The following C1orf21 variants were observed in gnomAD, a reference collection of about 807,000 sequenced individuals.
C1orf21 encodes the protein uncharacterized protein C1orf21.
Under a neutral mutation model 18.7 loss-of-function variants are expected in C1orf21, and 3 were observed. The observed-to-expected ratio is 0.16, with a 90% CI of 0.07 to 0.42. C1orf21 has a LOEUF of 0.42. Ranked by LOEUF, C1orf21 falls within the 10% of genes least tolerant of loss-of-function variation. The probability of loss-of-function intolerance (pLI) is 0.99; values close to 1 mark genes in which losing one functional copy is unlikely to be tolerated. For synonymous variants in C1orf21, 41 were observed against 46.4 expected, an observed-to-expected ratio of 0.88 and a Z score of 0.47; for missense variants, 104 against 143.6, an observed-to-expected ratio of 0.72 and a Z score of 1.41.
At chr1:184,577,832 T>C (rs913354264) in intron 3 of C1orf21, among the ~76,000 whole-genome samples, 2 of 152,232 alleles carry the variant, frequency 1.3e-5, no homozygotes, top group Admixed American at 6.5e-5. Context: ...TTTTGTTAAC[T>C]TTTACCAATG....
intron 3 of C1orf21, among the ~76,000 whole-genome samples, chr1:184,570,265 C>A (rs932798804): frequency 1.1e-4 from 17 of 151,904 alleles, no homozygotes; most frequent in African/African-American, 4.1e-4. Context: ...CGCGTATATC[C>A]TTTTTGTTTT....
intron 1 of C1orf21, among the ~76,000 whole-genome samples, chr1:184,388,310 A>T (rs1472755133): frequency 6.6e-6 from 1 of 152,232 alleles, no homozygotes; most frequent in Non-Finnish European, 1.5e-5. Flanking sequence ...GGCCAAAGAT[A>T]AAAATATGCA....
At chr1:184,479,577 A>G (rs913437908) in intron 2 of C1orf21, among the ~76,000 whole-genome samples, 3 of 134,108 alleles carry the variant, frequency 2.2e-5, no homozygotes, top group Non-Finnish European at 4.8e-5. Flanking sequence ...TTCTTTCTCC[A>G]TGTTGTTTCC....
chr1:184,598,410 C>T lies in C1orf21; in HGVS notation c.276C>T (p.Ile92=). The part of the protein sequence containing the change: ...LVHQPRANMH[I]SESQQEFFRM... ...ACCCTTTGTTTTTCAGCATGCACATCTCTGAAAGCCAACAAGAATTCTTCA... is the reference window on the plus strand; with the variant it reads ...ACCCTTTGTTTTTCAGCATGCACATTTCTGAAAGCCAACAAGAATTCTTCA... The change falls in exon 5 of 6, where the codon ATC becomes ATT. Residue 92 remains isoleucine, a synonymous_variant. Coordinates refer to ENST00000235307, the MANE Select transcript of C1orf21 (RefSeq NM_030806.4). The T allele has an allele frequency of 6.2e-7, 1 of 1,613,710 alleles. No homozygotes were observed. The highest frequency in any genetic ancestry group is 8.5e-7 in the Non-Finnish European group (1 of 1,179,918).
At chr1:184,455,303 C>T (rs1359697854) in intron 1 of C1orf21, among the ~76,000 whole-genome samples, 1 of 152,138 alleles carries the variant, frequency 6.6e-6, no homozygotes, top group African/African-American at 2.4e-5. Context: ...GTAAATAAAA[C>T]CTATCAGAGC....
chr1:184,450,585 A>G (rs2101979314), intron 1 of C1orf21, among the ~76,000 whole-genome samples: 2 of 152,308 alleles, frequency 1.3e-5, no homozygotes, highest in South Asian at 4.1e-4. Flanking sequence ...CACAACACAC[A>G]CACAGACGCA....
chr1:184,561,395 CTT>C (rs1213154957), intron 3 of C1orf21, among the ~76,000 whole-genome samples: 1 of 152,170 alleles, frequency 6.6e-6, no homozygotes, highest in Non-Finnish European at 1.5e-5. Flanking sequence ...AACAGATAGA[CTT>C]TATCTGGATG....
At chr1:184,469,243 C>A (rs534952120) in intron 1 of C1orf21, among the ~76,000 whole-genome samples, 1 of 152,152 alleles carries the variant, frequency 6.6e-6, no homozygotes, top group African/African-American at 2.4e-5. Context: ...GAGTGAGACT[C>A]TGTAATAAAA....
intron 2 of C1orf21, among the ~76,000 whole-genome samples, chr1:184,485,595 A>G (rs989023069): frequency 4.6e-5 from 7 of 152,036 alleles, no homozygotes; most frequent in Non-Finnish European, 7.4e-5. Flanking sequence ...TGGAATCTCT[A>G]TGCATTAAGT....
At chr1:184,421,643 G>T (rs1314981407) in intron 1 of C1orf21, among the ~76,000 whole-genome samples, 1 of 152,168 alleles carries the variant, frequency 6.6e-6, no homozygotes, top group Admixed American at 6.5e-5. Flanking sequence ...GGCGGTAGAA[G>T]TTTCTGTGTC....
In C1orf21 at chr1:184,579,617, TCTC is replaced by T. The variant is rs533216377; in HGVS notation, c.190-11119_190-11117del. On this transcript the variant is annotated intron_variant, in intron 3 of 5. Transcript: ENST00000235307. ...CCTCCACCTCCTGGGTTCAAGTGAT[TCTC>T]CTGCCTCAGCCTCCCGAGTAGCTGG... 7.4e-3 allele frequency among the ~76,000 whole-genome samples: 1,121 copies of T among 150,836 alleles called. 7 individuals carry two copies. The highest frequency in any genetic ancestry group is 0.011 in the Non-Finnish European group (764 of 67,660).
chr1:184,570,232 T>C (rs1181612756), intron 3 of C1orf21, among the ~76,000 whole-genome samples: 1 of 152,196 alleles, frequency 6.6e-6, no homozygotes, highest in Non-Finnish European at 1.5e-5. Context: ...GAAGCTGCAG[T>C]GATCTAAGTA....
chr1:184,522,722 G>A (rs1234762457), intron 3 of C1orf21, among the ~76,000 whole-genome samples: 1 of 152,126 alleles, frequency 6.6e-6, no homozygotes, highest in Non-Finnish European at 1.5e-5. Context: ...GTCTCACTCC[G>A]ATTTGCCCAG....
intron 5 of C1orf21, chr1:184,599,599 A>G (rs959354295): frequency 6.6e-6 from 1 of 152,226 alleles, no homozygotes. Flanking sequence ...TACTTGTTAA[A>G]GTATAATAAT....
chr1:184,422,125 G>A (rs1054597612), intron 1 of C1orf21, among the ~76,000 whole-genome samples: 1 of 152,172 alleles, frequency 6.6e-6, no homozygotes, highest in African/African-American at 2.4e-5. Flanking sequence ...GGTCAAGATG[G>A]CTAGAGAAAG....
At chr1:184,421,523 TTG>T (rs1335665597) in intron 1 of C1orf21, among the ~76,000 whole-genome samples, 1 of 152,194 alleles carries the variant, frequency 6.6e-6, no homozygotes, top group Non-Finnish European at 1.5e-5. Flanking sequence ...GAAATTTTTA[TTG>T]TGTTTCAGAT....
chr1:184,421,280 T>A (rs1030019827), intron 1 of C1orf21, among the ~76,000 whole-genome samples: 1 of 152,094 alleles, frequency 6.6e-6, no homozygotes, highest in Non-Finnish European at 1.5e-5. Context: ...AATTTTTAAA[T>A]TTTTTGTAGA....
At position 184,628,772 on chromosome 1, in the gene C1orf21, C is replaced by T. The variant is rs186014627; in HGVS notation, c.*9216C>T. The T allele has an allele frequency of 1.3e-5, 2 of 152,664 alleles. No homozygotes were observed. The highest frequency in any genetic ancestry group is 1.3e-4 in the Admixed American group (2 of 15,286). The allele number at this position is 152,664 out of a possible 1,614,324, so 9.5% of individuals were successfully genotyped here. A position where few individuals can be genotyped will look rare whatever the true frequency, so the allele number is the denominator to read the frequency against. On this transcript the variant is annotated 3_prime_UTR_variant, in exon 6 of 6. Coordinates refer to ENST00000235307, the MANE Select transcript of C1orf21 (RefSeq NM_030806.4). Reference sequence around the variant, plus strand: ...GGACACTGGCAATATCCCCAGCTCTCTCCTGATTGGAATTCTTTGAACCCT... The same window carrying T: ...GGACACTGGCAATATCCCCAGCTCTTTCCTGATTGGAATTCTTTGAACCCT...
chr1:184,582,513 C>T (rs993759370), intron 3 of C1orf21, among the ~76,000 whole-genome samples: 3 of 152,192 alleles, frequency 2.0e-5, no homozygotes, highest in African/African-American at 7.2e-5. Flanking sequence ...AGAGCCGATA[C>T]TCTAATCCCC....
Sources: allele counts gnomAD v4.1 joint callset (sites outside exome capture counted in the v4.1 genomes callset), GRCh38; gene constraint gnomAD v4.1.1; transcripts MANE v1.5; gene names NCBI Gene and HGNC (gene_info 2026-07-23, HGNC 2026-07-21).